The following TIAM1 variants were observed in gnomAD, a reference collection of about 807,000 sequenced individuals.
TIAM1 encodes TIAM Rac1 associated GEF 1.
Under a neutral mutation model 163.5 loss-of-function variants are expected in TIAM1, and 65 were observed. The ratio of observed to expected loss-of-function variants is 0.40; its 90% CI spans 0.33 to 0.49. TIAM1 has a LOEUF of 0.49. TIAM1 is among the 20% of genes least tolerant of loss of function. The pLI is 0.77. For missense variants in TIAM1, 1,789 were observed against 2,044.7 expected (o/e 0.87, Z 2.41); for synonymous variants, 833 against 810.1 (o/e 1.03, Z -0.48).
Position 31,225,810 on chromosome 21 carries a change from G to A in TIAM1, c.1725C>T (p.Asp575=), listed in dbSNP as rs1569063024. The part of the protein sequence containing the change: ...SEIKKLEQKI[D]MDEKMKKMGE... ...CCATTTTCTTCATCTTTTCATCCATGTCAATCTTCTGTTCCAGTTTTTTGA... is the reference window on the plus strand; with the variant it reads ...CCATTTTCTTCATCTTTTCATCCATATCAATCTTCTGTTCCAGTTTTTTGA... Residue 575 remains aspartate, a synonymous_variant, in exon 7 of 28, where the codon GAC becomes GAT. Transcript: ENST00000541036. The A allele has an allele frequency of 6.2e-7, 1 of 1,614,110 alleles. No individual in the cohort carries two copies. Among genetic ancestry groups the A allele is most frequent in the South Asian group, 1.1e-5 (1 of 91,084 alleles).
intron 19 of TIAM1, among the ~76,000 whole-genome samples, chr21:31,148,004 CA>C (rs34410316): frequency 0.17 from 10,573 of 63,696 alleles, 242 homozygotes; most frequent in African/African-American, 0.28. Context: ...TGTCCATGAC[CA>C]AAAAAAAAAA....
chr21:31,226,433 C>G (rs1393295062), intron 6 of TIAM1, among the ~76,000 whole-genome samples: 1 of 152,192 alleles, frequency 6.6e-6, no homozygotes, highest in African/African-American at 2.4e-5. Context: ...AGCAGCAAGA[C>G]AGAACTAGGG....
At chr21:31,337,775 C>A (rs190238435) in intron 2 of TIAM1, among the ~76,000 whole-genome samples, 2,914 of 152,132 alleles carry the variant, frequency 0.019, 44 homozygotes, top group Middle Eastern at 0.051. Context: ...AGTAATCCGC[C>A]CACCTCGGCC....
intron 2 of TIAM1, among the ~76,000 whole-genome samples, chr21:31,377,409 A>C (rs906649516): frequency 4.6e-5 from 7 of 151,518 alleles, no homozygotes; most frequent in Non-Finnish European, 1.0e-4. Context: ...TACTCAACTC[A>C]CTCAAGGTCT....
chr21:31,238,300 C>T (rs191003511), intron 6 of TIAM1, among the ~76,000 whole-genome samples: 12 of 152,342 alleles, frequency 7.9e-5, no homozygotes, highest in Admixed American at 7.8e-4. Context: ...AAGCAGAAGG[C>T]AGAGAATGCC....
chr21:31,556,168 G>A (rs551691239), intron 1 of TIAM1, among the ~76,000 whole-genome samples: 5 of 152,216 alleles, frequency 3.3e-5, no homozygotes, highest in East Asian at 1.9e-4. Context: ...CCCTAAGGGC[G>A]CGAGAATTCC....
chr21:31,163,878 A>AT (rs1491321840), intron 16 of TIAM1, among the ~76,000 whole-genome samples: 2 of 147,244 alleles, frequency 1.4e-5, no homozygotes, highest in Non-Finnish European at 2.9e-5. Flanking sequence ...AGCAAAAAAA[A>AT]GAGAGATCGT....
chr21:31,284,202 A>G (rs2073695180), intron 2 of TIAM1, among the ~76,000 whole-genome samples: 1 of 152,236 alleles, frequency 6.6e-6, no homozygotes, highest in Admixed American at 6.5e-5. Flanking sequence ...CAGTGTTTTC[A>G]TACCTCCTAT....
chr21:31,438,382 G>T (rs989956399), intron 2 of TIAM1, among the ~76,000 whole-genome samples: 1 of 151,752 alleles, frequency 6.6e-6, no homozygotes. Context: ...AGTAGAGACA[G>T]GGTTTTGCCA....
intron 2 of TIAM1, among the ~76,000 whole-genome samples, chr21:31,429,504 C>T (rs78850098): frequency 0.041 from 6,280 of 152,208 alleles, 440 homozygotes; most frequent in African/African-American, 0.14. Context: ...AAATACACCC[C>T]GGGGAGGCGG....
At chr21:31,387,193 CTCTTTTTTTTTT>C (rs1569286734) in intron 2 of TIAM1, among the ~76,000 whole-genome samples, 1 of 80,442 alleles carries the variant, frequency 1.2e-5, no homozygotes, top group Admixed American at 1.4e-4. Context: ...GAAGCTTATT[CTCTTTTTTTTTT>C]TTTTTTTTTT....
chr21:31,498,099 C>T (rs986379933), intron 1 of TIAM1, among the ~76,000 whole-genome samples: 2 of 152,178 alleles, frequency 1.3e-5, no homozygotes, highest in African/African-American at 2.4e-5. Flanking sequence ...AGGACAAACC[C>T]GAATGTAAAC....
At chr21:31,479,330 T>C (rs2046031981) in intron 1 of TIAM1, among the ~76,000 whole-genome samples, 1 of 152,128 alleles carries the variant, frequency 6.6e-6, no homozygotes, top group Non-Finnish European at 1.5e-5. Context: ...TTTATTCCTG[T>C]GATTCTGTCT....
At chr21:31,173,718 A>T (rs2084632458) in intron 15 of TIAM1, among the ~76,000 whole-genome samples, 1 of 152,214 alleles carries the variant, frequency 6.6e-6, no homozygotes, top group Non-Finnish European at 1.5e-5. Flanking sequence ...TTTTTAGTCA[A>T]ATGTCACAAA....
chr21:31,275,640 C>A (rs2073264303), intron 3 of TIAM1, among the ~76,000 whole-genome samples: 1 of 152,174 alleles, frequency 6.6e-6, no homozygotes, highest in Admixed American at 6.5e-5. Context: ...ATGGCAGAAA[C>A]CATCTCTTAC....
At chr21:31,327,497 T>C (rs2147052647) in intron 2 of TIAM1, among the ~76,000 whole-genome samples, 1 of 151,474 alleles carries the variant, frequency 6.6e-6, no homozygotes, top group Non-Finnish European at 1.5e-5. Flanking sequence ...AAAATTAGCC[T>C]GGTGTGGTGA....
chr21:31,350,222 G>A (rs1041998343), intron 2 of TIAM1, among the ~76,000 whole-genome samples: 10 of 152,102 alleles, frequency 6.6e-5, no homozygotes, highest in African/African-American at 2.2e-4. Context: ...GAGGGTGGAC[G>A]CAGTGAGCCA....
At chr21:31,144,830 GAAAAAAAAAAAA>G (rs764835303) in intron 20 of TIAM1, among the ~76,000 whole-genome samples, 9 of 74,512 alleles carry the variant, frequency 1.2e-4, no homozygotes, top group African/African-American at 4.3e-4. Context: ...CTCCATCTCA[GAAAAAAAAAAAA>G]AAAAAAAAAA....
At chr21:31,501,875 T>C (rs888662375) in intron 1 of TIAM1, among the ~76,000 whole-genome samples, 1 of 27,862 alleles carries the variant, frequency 3.6e-5, no homozygotes. Flanking sequence ...AGTGCTGGGA[T>C]TACAGGCGTG....
Sources: gnomAD v4.1 joint callset for allele counts (sites outside exome capture counted in the v4.1 genomes callset) on GRCh38, gnomAD v4.1.1 for gene constraint, MANE v1.5 for transcripts, NCBI Gene and HGNC (gene_info 2026-07-23, HGNC 2026-07-21) for gene names.